FRMD6: variants seen among roughly 807,000 people sequenced by gnomAD.
FRMD6 encodes the protein FERM domain-containing protein 6.
FRMD6 carries 37 observed loss-of-function variants against 73.2 expected under a neutral mutation model. The observed-to-expected ratio is 0.51, with a 90% CI of 0.39 to 0.66. The LOEUF (loss-of-function observed/expected upper bound fraction) is 0.66. Among genes scored for constraint, FRMD6 ranks in the 30% least tolerant of loss-of-function variants. The pLI, the probability that FRMD6 is intolerant of heterozygous loss-of-function variation, is 0.00. For synonymous variants in FRMD6, 273 were observed against 282.2 expected, an observed-to-expected ratio of 0.97 and a Z score of 0.33; for missense variants, 714 against 780.5, an observed-to-expected ratio of 0.91 and a Z score of 1.02.
At chr14:51,468,302 A>AGAGGGGGAGGGGGAGGGAGAGGGG in the FRMD6 span, among the ~76,000 whole-genome samples, 1 of 39,510 alleles carries the variant, frequency 2.5e-5, no homozygotes, top group Non-Finnish European at 4.6e-5. Flanking sequence ...CAGAGATGGG[A>AGAGGGGGAGGGGGAGGGAGAGGGG]GAGGGGGAGG....
At chr14:51,698,735 A>T (rs72622450) in intron 3 of FRMD6, among the ~76,000 whole-genome samples, 41,142 of 151,874 alleles carry the variant, frequency 0.27, 6,164 homozygotes, top group Non-Finnish European at 0.33. Context: ...GTCAGACTAT[A>T]TGACTTGGAA....
the FRMD6 span, among the ~76,000 whole-genome samples, chr14:51,450,713 A>G: frequency 0.48 from 72,853 of 152,032 alleles, 17,860 homozygotes; most frequent in East Asian, 0.67. Context: ...AAAAAAATAA[A>G]AAGCCATCAT....
intron 1 of FRMD6, among the ~76,000 whole-genome samples, chr14:51,535,746 G>C (rs1214003820): frequency 1.3e-5 from 2 of 152,060 alleles, no homozygotes; most frequent in African/African-American, 2.4e-5. Context: ...GAAATTGCTG[G>C]GTTATATGTT....
chr14:51,717,338 G>A (rs1326913214), intron 10 of FRMD6: 1 of 152,144 alleles, frequency 6.6e-6, no homozygotes. Flanking sequence ...AGGTGGAAGG[G>A]TAAAGAGAGG....
rs1451703854 is a variant in FRMD6, at chr14:51,618,371, T to C, written c.-147+47961T>C. Among the ~76,000 whole-genome samples, 7 of 152,248 alleles carry C rather than the reference T, an allele frequency of 4.6e-5. No homozygotes were observed. In the East Asian group the frequency reaches 1.4e-3, roughly 29 times the overall value. On this transcript the variant is annotated intron_variant, in intron 2 of 14. Transcript: ENST00000356218. Reference sequence around the variant, plus strand: ...AAAAGCGGCAAGAGATCTAGACCTATGTTAAGGAAGTGGAGACAAGAGCAC... The same window carrying C: ...AAAAGCGGCAAGAGATCTAGACCTACGTTAAGGAAGTGGAGACAAGAGCAC...
At chr14:51,658,588 C>T (rs1594675122) in intron 1 of FRMD6, among the ~76,000 whole-genome samples, 1 of 152,068 alleles carries the variant, frequency 6.6e-6, no homozygotes, top group Non-Finnish European at 1.5e-5. Flanking sequence ...TTCCTTCCAC[C>T]CCCATCCAGT....
At chr14:51,543,302 C>A (rs1886296980) in intron 1 of FRMD6, among the ~76,000 whole-genome samples, 1 of 151,852 alleles carries the variant, frequency 6.6e-6, no homozygotes, top group African/African-American at 2.4e-5. Flanking sequence ...CATTCATTTA[C>A]CTGTGTCTTT....
At chr14:51,472,615 G>C in the FRMD6 span, among the ~76,000 whole-genome samples, 1 of 152,246 alleles carries the variant, frequency 6.6e-6, no homozygotes, top group Non-Finnish European at 1.5e-5. Flanking sequence ...CTGAAGGAAT[G>C]ATTTTAACTG....
intron 1 of FRMD6, among the ~76,000 whole-genome samples, chr14:51,497,234 C>CTTTT (rs540369904): frequency 7.3e-6 from 1 of 137,894 alleles, no homozygotes; most frequent in African/African-American, 2.6e-5. Context: ...TCTGAAATAA[C>CTTTT]TTTTTTTTTT....
chr14:51,636,231 T>TG (rs1450802483), intron 2 of FRMD6, among the ~76,000 whole-genome samples: 1 of 152,182 alleles, frequency 6.6e-6, no homozygotes, highest in African/African-American at 2.4e-5. Context: ...GAAGGACAAT[T>TG]GAGGTTTGAT....
chr14:51,554,883 A>G (rs1887040598), intron 1 of FRMD6: 1 of 152,244 alleles, frequency 6.6e-6, no homozygotes, highest in Admixed American at 6.5e-5. Context: ...TTTAGTGCTA[A>G]TAAGTATACC....
the FRMD6 span, among the ~76,000 whole-genome samples, chr14:51,418,112 C>T: frequency 1.8e-4 from 27 of 152,182 alleles, no homozygotes; most frequent in African/African-American, 5.3e-4. Context: ...TCCTTTAGCT[C>T]GGAGAAGTTT....
chr14:51,678,309 CCAAA>C (rs1894533643), intron 1 of FRMD6, among the ~76,000 whole-genome samples: 1 of 152,058 alleles, frequency 6.6e-6, no homozygotes, highest in Admixed American at 6.6e-5. Context: ...TTAGTGCGTC[CCAAA>C]CAGTGTGTCT....
intron 1 of FRMD6, among the ~76,000 whole-genome samples, chr14:51,689,124 T>G (rs1895372972): frequency 6.6e-6 from 1 of 152,176 alleles, no homozygotes; most frequent in Admixed American, 6.5e-5. Flanking sequence ...AAGAATGTTG[T>G]AAGGAGGGCT....
At chr14:51,659,188 C>T (rs992814563) in intron 1 of FRMD6, among the ~76,000 whole-genome samples, 1 of 152,170 alleles carries the variant, frequency 6.6e-6, no homozygotes, top group African/African-American at 2.4e-5. Flanking sequence ...TTACTTAACT[C>T]TCTACACCTC....
chr14:51,534,649 T>G (rs1380704208), intron 1 of FRMD6, among the ~76,000 whole-genome samples: 1 of 152,300 alleles, frequency 6.6e-6, no homozygotes, highest in Non-Finnish European at 1.5e-5. Flanking sequence ...CCTCTAAAAC[T>G]GGGGATTAAA....
intron 1 of FRMD6, among the ~76,000 whole-genome samples, chr14:51,659,020 A>G (rs1893029574): frequency 6.6e-6 from 1 of 152,196 alleles, no homozygotes; most frequent in Non-Finnish European, 1.5e-5. Flanking sequence ...AGCTCTGACA[A>G]GTTGCTCATG....
the FRMD6 span, among the ~76,000 whole-genome samples, chr14:51,424,407 C>T: frequency 6.6e-6 from 1 of 152,212 alleles, no homozygotes; most frequent in African/African-American, 2.4e-5. Context: ...ATGGCAAAAG[C>T]AAATCCTTTA....
At chr14:51,435,832 C>A in the FRMD6 span, among the ~76,000 whole-genome samples, 1 of 152,270 alleles carries the variant, frequency 6.6e-6, no homozygotes, top group Non-Finnish European at 1.5e-5. Context: ...TGAGGTGACA[C>A]TAATTACCTT....
Sources: allele counts gnomAD v4.1 joint callset (sites outside exome capture counted in the v4.1 genomes callset), GRCh38; gene constraint gnomAD v4.1.1; transcripts MANE v1.5; gene names NCBI Gene and HGNC (gene_info 2026-07-23, HGNC 2026-07-21).